The following TMTC2 variants were observed in gnomAD, a reference collection of about 807,000 sequenced individuals.
TMTC2 encodes transmembrane O-mannosyltransferase targeting cadherins 2.
TMTC2 carries 43 observed loss-of-function variants against 82.4 expected under a neutral mutation model. The ratio of observed to expected loss-of-function variants is 0.52; its 90% CI spans 0.41 to 0.67. TMTC2 has a LOEUF of 0.67. Among genes scored for constraint, TMTC2 ranks in the 30% least tolerant of loss-of-function variants. TMTC2 has a pLI of 0.00. For synonymous variants in TMTC2, 408 were observed against 381.9 expected (o/e 1.07, Z -0.80); for missense variants, 919 against 1,012.4 (o/e 0.91, Z 1.25).
intron 1 of TMTC2, among the ~76,000 whole-genome samples, chr12:82,853,226 T>C (rs1301681234): frequency 6.6e-6 from 1 of 152,030 alleles, no homozygotes; most frequent in Admixed American, 6.6e-5. Flanking sequence ...CCTCAGGCTC[T>C]TGAATAGCTG....
intron 3 of TMTC2, among the ~76,000 whole-genome samples, chr12:82,918,553 T>A (rs1196753099): frequency 6.6e-6 from 1 of 152,026 alleles, no homozygotes; most frequent in Non-Finnish European, 1.5e-5. Flanking sequence ...AGAATGAGAG[T>A]CCTTACCACA....
At chr12:82,884,180 G>T (rs908273828) in intron 2 of TMTC2, among the ~76,000 whole-genome samples, 2 of 152,150 alleles carry the variant, frequency 1.3e-5, no homozygotes, top group African/African-American at 4.8e-5. Flanking sequence ...CCATGGGTAC[G>T]CAAGAAATTG....
chr12:82,931,560 C>T (rs1223113601), intron 4 of TMTC2, among the ~76,000 whole-genome samples: 2 of 152,130 alleles, frequency 1.3e-5, no homozygotes, highest in Non-Finnish European at 2.9e-5. Context: ...CCAGTTTAAG[C>T]TTGCTTGAAC....
At chr12:82,882,147 C>T (rs1236598628) in intron 2 of TMTC2, among the ~76,000 whole-genome samples, 1 of 149,242 alleles carries the variant, frequency 6.7e-6, no homozygotes, top group African/African-American at 2.5e-5. Context: ...CTACAGGCGC[C>T]CGCCACTACG....
intron 4 of TMTC2, among the ~76,000 whole-genome samples, chr12:82,934,921 CG>C (rs1346012022): frequency 6.6e-6 from 1 of 151,844 alleles, no homozygotes; most frequent in African/African-American, 2.4e-5. Flanking sequence ...TTGTAACTGG[CG>C]TGAGATGGTA....
At chr12:83,001,732 G>A (rs1879935266) in intron 8 of TMTC2, among the ~76,000 whole-genome samples, 1 of 123,038 alleles carries the variant, frequency 8.1e-6, no homozygotes, top group African/African-American at 2.7e-5. Context: ...GATCTCTAGG[G>A]CAAGGGCAAA....
chr12:82,935,223 A>AATATCATTTG (rs1396688943), intron 4 of TMTC2, among the ~76,000 whole-genome samples: 6 of 152,288 alleles, frequency 3.9e-5, no homozygotes, highest in African/African-American at 1.4e-4. Flanking sequence ...TATTAATTAT[A>AATATCATTTG]ATATCATTTG....
intron 2 of TMTC2, among the ~76,000 whole-genome samples, chr12:82,880,458 C>T (rs1242061648): frequency 6.6e-6 from 1 of 152,170 alleles, no homozygotes; most frequent in East Asian, 1.9e-4. Context: ...ATGTGCCTAG[C>T]AGGGCACCAT....
chr12:82,913,575 T>C (rs1405701451), intron 3 of TMTC2, among the ~76,000 whole-genome samples: 1 of 152,148 alleles, frequency 6.6e-6, no homozygotes, highest in East Asian at 1.9e-4. Context: ...AGACCACACA[T>C]CTAGTCATAT....
chr12:82,928,565 A>G (rs1875848673), intron 3 of TMTC2, among the ~76,000 whole-genome samples: 2 of 152,204 alleles, frequency 1.3e-5, no homozygotes, highest in African/African-American at 4.8e-5. Context: ...GCCAAGGCCT[A>G]TGTGAATGTT....
At chr12:82,688,343 C>T (rs1006959740) in intron 1 of TMTC2, among the ~76,000 whole-genome samples, 1 of 152,106 alleles carries the variant, frequency 6.6e-6, no homozygotes, top group Non-Finnish European at 1.5e-5. Flanking sequence ...GTTAGTGGTT[C>T]TTTTGTACTA....
At chr12:83,022,255 C>T (rs1488740588) in intron 8 of TMTC2, among the ~76,000 whole-genome samples, 2 of 152,006 alleles carry the variant, frequency 1.3e-5, no homozygotes, top group African/African-American at 4.8e-5. Flanking sequence ...CCTTGATAGG[C>T]CCAAAGACTC....
intron 1 of TMTC2, among the ~76,000 whole-genome samples, chr12:82,724,356 G>A (rs976254972): frequency 2.0e-5 from 3 of 152,110 alleles, no homozygotes; most frequent in African/African-American, 4.8e-5. Context: ...ATCTCATCTC[G>A]AATTGTATAT....
chr12:82,974,759 T>C (rs1014532981), intron 7 of TMTC2, among the ~76,000 whole-genome samples: 4 of 152,206 alleles, frequency 2.6e-5, no homozygotes, highest in Non-Finnish European at 4.4e-5. Flanking sequence ...TGATGAAGCA[T>C]GGACAGCCTT....
intron 1 of TMTC2, among the ~76,000 whole-genome samples, chr12:82,722,071 G>A (rs1172879637): frequency 6.6e-6 from 1 of 152,042 alleles, no homozygotes; most frequent in African/African-American, 2.4e-5. Context: ...TATTCTGTGT[G>A]TATTTTGTAA....
chr12:82,815,229 C>T (rs898131448), intron 1 of TMTC2, among the ~76,000 whole-genome samples: 4 of 150,866 alleles, frequency 2.7e-5, no homozygotes, highest in African/African-American at 7.3e-5. Context: ...TGCATTGGCG[C>T]GATCTTGGCT....
chr12:82,844,280 G>A (rs1237160615), intron 1 of TMTC2, among the ~76,000 whole-genome samples: 1 of 152,170 alleles, frequency 6.6e-6, no homozygotes, highest in Non-Finnish European at 1.5e-5. Context: ...AAATTGCCAT[G>A]TACTTTATCT....
chr12:83,057,885 T>C (rs1882603990), intron 10 of TMTC2, among the ~76,000 whole-genome samples: 2 of 151,908 alleles, frequency 1.3e-5, no homozygotes, highest in African/African-American at 4.8e-5. Flanking sequence ...ATGCCACTAG[T>C]TTTTATTATT....
At chr12:82,975,258 G>A (rs1038762645) in intron 7 of TMTC2, among the ~76,000 whole-genome samples, 15 of 152,110 alleles carry the variant, frequency 9.9e-5, no homozygotes, top group Non-Finnish European at 4.4e-5. Flanking sequence ...GTATTTTGCT[G>A]TGTACTCAAG....
Sources: gnomAD v4.1 joint callset for allele counts (sites outside exome capture counted in the v4.1 genomes callset) on GRCh38, gnomAD v4.1.1 for gene constraint, MANE v1.5 for transcripts, NCBI Gene and HGNC (gene_info 2026-07-23, HGNC 2026-07-21) for gene names.